PIK3R1: variants seen among roughly 807,000 people sequenced by gnomAD.
The protein encoded by PIK3R1 is phosphatidylinositol 3-kinase regulatory subunit alpha.
In PIK3R1, 29 loss-of-function variants were observed where a neutral mutation model predicts 98.0. That is an observed-to-expected ratio of 0.30 (90% CI 0.22 to 0.40). The LOEUF (loss-of-function observed/expected upper bound fraction) is 0.40, where lower values mean the gene tolerates loss of function less well. PIK3R1 is among the 10% of genes least tolerant of loss of function. The pLI, the probability that PIK3R1 is intolerant of heterozygous loss-of-function variation, is 1.00. For synonymous variants in PIK3R1, 282 were observed against 311.8 expected, an observed-to-expected ratio of 0.90 and a Z score of 1.01; for missense variants, 596 against 872.7, an observed-to-expected ratio of 0.68 and a Z score of 3.99.
At chr5:68,262,702 G>GATAC (rs1561278356) in intron 2 of PIK3R1, among the ~76,000 whole-genome samples, 468 of 36,338 alleles carry the variant, frequency 0.013, 52 homozygotes, top group Non-Finnish European at 0.018. Context: ...TACACATGTA[G>GATAC]ATGCATGTAG....
chr5:68,233,653 TGTA>T (rs1299326934), intron 2 of PIK3R1, among the ~76,000 whole-genome samples: 65 of 152,360 alleles, frequency 4.3e-4, no homozygotes, highest in African/African-American at 1.4e-3. Context: ...TACGTGGAAT[TGTA>T]GTAGAAACAT....
chr5:68,251,593 A>T (rs191910715), intron 2 of PIK3R1, among the ~76,000 whole-genome samples: 179 of 152,002 alleles, frequency 1.2e-3, no homozygotes, highest in African/African-American at 4.1e-3. Flanking sequence ...GGGTGGAAAG[A>T]GGGGATTCCT....
At chr5:68,277,456 T>C (rs1746625139) in intron 4 of PIK3R1, among the ~76,000 whole-genome samples, 1 of 152,210 alleles carries the variant, frequency 6.6e-6, no homozygotes, top group Admixed American at 6.5e-5. Context: ...AATAATTCTT[T>C]TCCTCAAGTT....
intron 1 of PIK3R1, among the ~76,000 whole-genome samples, chr5:68,218,969 A>G (rs1012694416): frequency 6.6e-6 from 1 of 152,148 alleles, no homozygotes; most frequent in South Asian, 2.1e-4. Context: ...CTTTACGTAC[A>G]CCCTAATGCC....
At chr5:68,286,335 C>A (rs1249124554) in intron 7 of PIK3R1, among the ~76,000 whole-genome samples, 1 of 152,176 alleles carries the variant, frequency 6.6e-6, no homozygotes, top group African/African-American at 2.4e-5. Flanking sequence ...ACAACACTAG[C>A]AGCTTCGTGA....
At chr5:68,274,309 C>A (rs1033720755) in intron 4 of PIK3R1, among the ~76,000 whole-genome samples, 1 of 152,116 alleles carries the variant, frequency 6.6e-6, no homozygotes, top group African/African-American at 2.4e-5. Flanking sequence ...GTGTTTCTCT[C>A]GCTCTGTGTA....
At chr5:68,245,577 A>G (rs1023482930) in intron 2 of PIK3R1, among the ~76,000 whole-genome samples, 1 of 152,256 alleles carries the variant, frequency 6.6e-6, no homozygotes, top group African/African-American at 2.4e-5. Context: ...TAAAGACGGT[A>G]ACATACTTAA....
intron 7 of PIK3R1, chr5:68,290,598 G>T: frequency 3.8e-6 from 5 of 1,318,580 alleles, no homozygotes; most frequent in Non-Finnish European, 5.0e-6. Context: ...GACTTGATTG[G>T]CTGGGGCGTG....
chr5:68,264,779 C>T (rs1746053079), intron 2 of PIK3R1, among the ~76,000 whole-genome samples: 1 of 152,130 alleles, frequency 6.6e-6, no homozygotes, highest in Non-Finnish European at 1.5e-5. Flanking sequence ...TCCTGTGGGA[C>T]CTTGGGCAAG....
chr5:68,296,087 C>T (rs74718434), intron 14 of PIK3R1, 84 bp from the exon 15 acceptor site: 958 of 1,344,404 alleles, frequency 7.1e-4, no homozygotes, highest in African/African-American at 4.6e-3. Context: ...AGGGAAGTGA[C>T]GGGGGTATGC....
chr5:68,293,895 T>A (rs1226124710), intron 11 of PIK3R1, 61 bp downstream of exon 11: 4 of 1,307,352 alleles, frequency 3.1e-6, no homozygotes, highest in Admixed American at 2.5e-5. Context: ...AAGACTAACA[T>A]GGAAAAAAGA....
intron 2 of PIK3R1, among the ~76,000 whole-genome samples, chr5:68,243,554 CCTTT>C (rs1744948689): frequency 2.6e-5 from 4 of 152,330 alleles, no homozygotes; most frequent in South Asian, 4.1e-4. Context: ...AATAGTTGCA[CCTTT>C]CTTTCTTTCC....
intron 2 of PIK3R1, among the ~76,000 whole-genome samples, chr5:68,228,290 C>T (rs1744355818): frequency 6.6e-6 from 1 of 152,124 alleles, no homozygotes; most frequent in East Asian, 1.9e-4. Context: ...AGGGTAAGAG[C>T]TGCCTTTCAG....
Position 68,298,309 on chromosome 5 carries a change from T to C in PIK3R1, c.*708T>C, listed in dbSNP as rs1340612611. On this transcript the variant is annotated 3_prime_UTR_variant, in exon 16 of 16. Coordinates refer to ENST00000521381, the MANE Select transcript of PIK3R1 (RefSeq NM_181523.3). ...AAAATGACATTCAGTATATAAAATATGTACATAATATTGGATGACTAACTA... is the reference window on the plus strand; with the variant it reads ...AAAATGACATTCAGTATATAAAATACGTACATAATATTGGATGACTAACTA... 1 of 233,212 alleles carries C rather than the reference T, an allele frequency of 4.3e-6. No homozygotes were observed. Among genetic ancestry groups the C allele is most frequent in the Non-Finnish European group, 8.5e-6 (1 of 117,840 alleles). 14.4% of individuals were successfully genotyped at this position (233,212 alleles called of 1,614,324 possible).
rs190959544 is a variant in PIK3R1 at position 68,222,929 on chromosome 5, G to A, written c.-386-3361G>A. On this transcript the variant is annotated intron_variant, in intron 1 of 15. Coordinates refer to ENST00000521381, the MANE Select transcript of PIK3R1 (RefSeq NM_181523.3). ...CTCTTCGCAATTGCTAAGTATTATC[G>A]TGACAGAGATATTTTCTGTCCTATG... is the stretch of plus-strand genomic sequence containing the variant. 9.9e-5 allele frequency among the ~76,000 whole-genome samples: 15 copies of A among 152,074 alleles called. No individual in the cohort carries two copies. The East Asian group carries it at 2.1e-3, about 22-fold the overall frequency.
chr5:68,290,638 A>C, intron 7 of PIK3R1: 1 of 1,482,144 alleles, frequency 6.7e-7, no homozygotes, highest in Non-Finnish European at 9.0e-7. Flanking sequence ...GCAGCCCCTT[A>C]TAGGTTTTAA....
chr5:68,228,739 T>TA (rs1168521060), intron 2 of PIK3R1, among the ~76,000 whole-genome samples: 1 of 152,216 alleles, frequency 6.6e-6, no homozygotes, highest in Non-Finnish European at 1.5e-5. Context: ...GAAGATTATT[T>TA]AAAAGGTGGA....
chr5:68,277,509 G>T (rs1189304089), intron 4 of PIK3R1, among the ~76,000 whole-genome samples: 1 of 152,172 alleles, frequency 6.6e-6, no homozygotes, highest in Non-Finnish European at 1.5e-5. Flanking sequence ...TCTTAGAGCT[G>T]TGTGGTTGTG....
intron 4 of PIK3R1, 85 bp from the exon 5 acceptor site, chr5:68,279,517 T>A (rs944472849): frequency 6.7e-5 from 69 of 1,024,172 alleles, no homozygotes; most frequent in Non-Finnish European, 9.7e-5. Context: ...TTTTGTCACA[T>A]GTGAGTCAAA....
Sources: gnomAD v4.1 joint callset for allele counts (sites outside exome capture counted in the v4.1 genomes callset) on GRCh38, gnomAD v4.1.1 for gene constraint, MANE v1.5 for transcripts, NCBI Gene and HGNC (gene_info 2026-07-23, HGNC 2026-07-21) for gene names.